Variants in AFF2 observed in about 807,000 individuals in gnomAD.
AFF2 encodes ALF transcription elongation factor 2.
A neutral mutation model predicts 76.9 loss-of-function variants in AFF2; 14 were observed. The ratio of observed to expected loss-of-function variants is 0.18; its 90% CI spans 0.12 to 0.28. The LOEUF is 0.28. AFF2 is among the 10% of genes least tolerant of loss of function. The probability of loss-of-function intolerance (pLI) is 1.00; values close to 1 mark genes in which losing one functional copy is unlikely to be tolerated. For missense variants in AFF2, 868 were observed against 1,001.1 expected, an observed-to-expected ratio of 0.87 and a Z score of 1.79; for synonymous variants, 398 against 366.7, an observed-to-expected ratio of 1.09 and a Z score of -0.98.
At chrX:148,960,277 A>G (rs1260083229) in intron 12 of AFF2, among the ~76,000 whole-genome samples, 2 of 112,567 alleles carry the variant, frequency 1.8e-5, no homozygotes, top group Non-Finnish European at 3.8e-5. Context: ...GGCTATGATT[A>G]TATAAGACAT....
At chrX:148,570,576 C>T (rs1295539775) in intron 1 of AFF2, among the ~76,000 whole-genome samples, 3 of 111,839 alleles carry the variant, frequency 2.7e-5, no homozygotes, top group East Asian at 5.6e-4. Flanking sequence ...ACCTGAGACA[C>T]AGGACGTTCT....
chrX:148,984,281 G>A (rs2072436120), intron 19 of AFF2, among the ~76,000 whole-genome samples: 1 of 111,658 alleles, frequency 9.0e-6, no homozygotes. Context: ...TGGCTTAGAG[G>A]TGAGAGGATG....
intron 1 of AFF2, among the ~76,000 whole-genome samples, chrX:148,517,642 G>T (rs2052550473): frequency 9.0e-6 from 1 of 111,702 alleles, no homozygotes; most frequent in African/African-American, 3.3e-5. Context: ...TTCTTGTACT[G>T]CACTATTGAT....
chrX:148,685,156 C>T (rs1178788142), intron 3 of AFF2, among the ~76,000 whole-genome samples: 1 of 111,438 alleles, frequency 9.0e-6, no homozygotes, highest in African/African-American at 3.3e-5. Context: ...AGCCAATTTA[C>T]TCTGAACTAC....
intron 1 of AFF2, among the ~76,000 whole-genome samples, chrX:148,589,613 A>G (rs1557246329): frequency 1.8e-5 from 2 of 112,102 alleles, no homozygotes; most frequent in Admixed American, 9.5e-5. Flanking sequence ...ACCAACAGGT[A>G]GGCTTGCAGA....
In AFF2 at chrX:148,962,887, AAG is replaced by A; in HGVS notation, c.2867_2868del (p.Arg956AsnfsTer2). On this transcript the variant is annotated frameshift_variant, in exon 13 of 21. Transcript: ENST00000370460. LOFTEE classifies it high-confidence loss of function. ...TGGACAAATCACATCTACCAAACCT[AAG>A]AGAACTGAAGGCAAATTCTGTGCTA... is the stretch of plus-strand genomic sequence containing the variant. The part of the protein sequence containing the change: ...MTGQITSTKP[K>X]RTEGKFCATF... The A allele has an allele frequency of 8.3e-7, 1 of 1,207,854 alleles. No individual in the cohort carries two copies. The highest frequency in any genetic ancestry group is 1.1e-6 in the Non-Finnish European group (1 of 892,008).
chrX:148,809,771 A>G lies in AFF2; in HGVS notation c.1042-105A>G, dbSNP rs1436287238. 3 of 824,083 alleles carry G rather than the reference A, an allele frequency of 3.6e-6. No homozygotes were observed. In the African/African-American group the frequency reaches 6.3e-5, roughly 17 times the overall value. The allele number at this position is 824,083 out of a possible 1,213,427, so 67.9% of individuals were successfully genotyped here. ...TTCTTTTGTATTTAATAGGAAAAAAATGATAGCTAGATTTTCTTGCTTTAC... is the reference window on the plus strand; with the variant it reads ...TTCTTTTGTATTTAATAGGAAAAAAGTGATAGCTAGATTTTCTTGCTTTAC... On this transcript the variant is annotated intron_variant, in intron 3 of 20. Coordinates refer to ENST00000370460, the MANE Select transcript of AFF2 (RefSeq NM_002025.4).
At chrX:148,596,361 C>A (rs1269975706) in intron 1 of AFF2, among the ~76,000 whole-genome samples, 6 of 112,094 alleles carry the variant, frequency 5.4e-5, no homozygotes, top group African/African-American at 1.6e-4. Context: ...CCAACCACTT[C>A]ATGGCCACTT....
chrX:148,683,250 G>A (rs1557260086), intron 3 of AFF2, among the ~76,000 whole-genome samples: 1 of 112,193 alleles, frequency 8.9e-6, no homozygotes, highest in African/African-American at 3.2e-5. Context: ...TGTGAGTGCT[G>A]TGTAAACTGT....
chrX:148,559,443 G>T (rs1402262591), intron 1 of AFF2, among the ~76,000 whole-genome samples: 1 of 110,719 alleles, frequency 9.0e-6, no homozygotes, highest in Non-Finnish European at 1.9e-5. Flanking sequence ...CCCCGTGACA[G>T]GCCCTGGTGT....
chrX:148,882,402 T>C (rs1403939773), intron 7 of AFF2, among the ~76,000 whole-genome samples: 1 of 112,137 alleles, frequency 8.9e-6, no homozygotes, highest in Non-Finnish European at 1.9e-5. Flanking sequence ...CTACAAATTA[T>C]AGGTCACAGT....
chrX:148,579,071 G>A (rs1177165004), intron 1 of AFF2, among the ~76,000 whole-genome samples: 1 of 111,866 alleles, frequency 8.9e-6, no homozygotes, highest in African/African-American at 3.3e-5. Context: ...AAGTTGTTTT[G>A]AAGCATCAGA....
chrX:148,536,942 A>G (rs2052792329), intron 1 of AFF2, among the ~76,000 whole-genome samples: 2 of 112,421 alleles, frequency 1.8e-5, no homozygotes, highest in South Asian at 3.7e-4. Context: ...TTTTCCCCAA[A>G]GCCATTGAGG....
At chrX:148,834,934 A>G (rs1329389104) in intron 4 of AFF2, among the ~76,000 whole-genome samples, 1 of 111,988 alleles carries the variant, frequency 8.9e-6, no homozygotes, top group African/African-American at 3.2e-5. Context: ...AATCAAATGC[A>G]TCAGTGGTAA....
At chrX:148,719,261 C>G (rs782526454) in intron 3 of AFF2, 5 of 1,077,543 alleles carry the variant, frequency 4.6e-6, no homozygotes, top group Non-Finnish European at 5.0e-6. Context: ...TGTAGAAGGT[C>G]TACAATCAGC....
At chrX:148,542,523 G>A (rs1344951032) in intron 1 of AFF2, among the ~76,000 whole-genome samples, 1 of 111,532 alleles carries the variant, frequency 9.0e-6, no homozygotes, top group African/African-American at 3.3e-5. Context: ...AATGGGTAAA[G>A]GATACACATT....
chrX:148,971,791 A>C (rs1557289619), intron 15 of AFF2, among the ~76,000 whole-genome samples: 1 of 32,315 alleles, frequency 3.1e-5, no homozygotes, highest in Non-Finnish European at 5.4e-5. Context: ...TTTTTATTAT[A>C]CTCTAAGTTT....
At chrX:148,660,532 G>A (rs1191650284) in intron 2 of AFF2, among the ~76,000 whole-genome samples, 2 of 112,090 alleles carry the variant, frequency 1.8e-5, no homozygotes, top group Non-Finnish European at 3.8e-5. Flanking sequence ...TGTACACTAG[G>A]AGACTGGGCT....
At chrX:148,691,043 A>G (rs1229483800) in intron 3 of AFF2, among the ~76,000 whole-genome samples, 2 of 111,712 alleles carry the variant, frequency 1.8e-5, no homozygotes, top group African/African-American at 6.5e-5. Flanking sequence ...TAAAGACCCT[A>G]TCTCCAAACA....
Sources: allele counts gnomAD v4.1 joint callset (sites outside exome capture counted in the v4.1 genomes callset), GRCh38; gene constraint gnomAD v4.1.1; transcripts MANE v1.5; gene names NCBI Gene and HGNC (gene_info 2026-07-23, HGNC 2026-07-21).